GATA2: variants seen among roughly 807,000 people sequenced by gnomAD.
GATA2 encodes endothelial transcription factor GATA-2.
A neutral mutation model predicts 35.7 loss-of-function variants in GATA2; 6 were observed. The ratio of observed to expected loss-of-function variants is 0.17; its 90% CI spans 0.09 to 0.33. The LOEUF (loss-of-function observed/expected upper bound fraction) is 0.33. GATA2 is among the 10% of genes least tolerant of loss of function. The pLI, the probability that GATA2 is intolerant of heterozygous loss-of-function variation, is 1.00. For missense variants in GATA2, 541 were observed against 656.6 expected (o/e 0.82, Z 1.92); for synonymous variants, 313 against 274.9 (o/e 1.14, Z -1.37).
chr3:128,480,112 A>G lies in GATA2; in HGVS notation c.*907T>C, dbSNP rs908672069. ...CGTACAATCAACTGGACCCAAAAAG[A>G]GTTTAAAAATAAAACAATTAACTCA... On this transcript the variant is annotated 3_prime_UTR_variant, in exon 6 of 6. Coordinates refer to ENST00000341105, the MANE Select transcript of GATA2 (RefSeq NM_032638.5). 3 of 233,184 alleles carry G rather than the reference A, an allele frequency of 1.3e-5. No individual in the cohort carries two copies. The highest frequency in any genetic ancestry group is 2.5e-5 in the Non-Finnish European group (3 of 118,050). The allele number at this position is 233,184 out of a possible 1,614,324, so 14.4% of individuals were successfully genotyped here. A position where few individuals can be genotyped will look rare whatever the true frequency, so the allele number is the denominator to read the frequency against.
At position 128,480,623 on chromosome 3, in the gene GATA2, G is replaced by A; in HGVS notation, c.*396C>T. ...CCGCCAATCCCGAGGAAGAACCGGA[G>A]GACTTGGGACAGCTCAGACCACCAA... On this transcript the variant is annotated 3_prime_UTR_variant, in exon 6 of 6. Coordinates refer to ENST00000341105, the MANE Select transcript of GATA2 (RefSeq NM_032638.5). 1 of 277,782 alleles carries A rather than the reference G, an allele frequency of 3.6e-6. No individual in the cohort carries two copies. 17.2% of individuals were successfully genotyped at this position (277,782 alleles called of 1,614,324 possible).
intron 2 of GATA2, among the ~76,000 whole-genome samples, 174 bp from the exon 3 acceptor site, chr3:128,486,542 G>A (rs564484518): frequency 7.8e-4 from 118 of 152,084 alleles, no homozygotes; most frequent in African/African-American, 2.2e-3. Context: ...GTCAGTCCAA[G>A]CTGAAGGACA....
Position 128,487,066 on chromosome 3 carries a change from C to A in GATA2, c.-35G>T, listed in dbSNP as rs780248544. 6 of 1,513,124 alleles carry A rather than the reference C, an allele frequency of 4.0e-6. No individual in the cohort carries two copies. The South Asian group carries it at 4.9e-5, about 12-fold the overall frequency. The allele number at this position is 1,513,124 out of a possible 1,614,324, so 93.7% of individuals were successfully genotyped here. ...CGGCGGCTCAGGGTCTGGGTGCAGA[C>A]GGCAACGGCCCTGCGCGAGGAAGGG... On this transcript the variant is annotated 5_prime_UTR_variant, in exon 2 of 6. Transcript: ENST00000341105.
chr3:128,483,802 A>T (rs2068660068), intron 4 of GATA2, 58 bp downstream of exon 4: 2 of 1,611,816 alleles, frequency 1.2e-6, no homozygotes, highest in African/African-American at 2.7e-5. Flanking sequence ...TTTCCCCTGT[A>T]ATTAACCGCC....
chr3:128,485,781 C>T lies in GATA2; in HGVS notation c.817G>A (p.Gly273Arg), dbSNP rs2068686401. The T allele has an allele frequency of 1.2e-6, 2 of 1,613,864 alleles. No individual in the cohort carries two copies. Among genetic ancestry groups the T allele is most frequent in the African/African-American group, 1.3e-5 (1 of 74,924 alleles). Residue 273 changes from glycine to arginine, a missense_variant, in exon 3 of 6, where the codon GGA (glycine) becomes AGA (arginine). Physicochemically the swap from Gly to Arg is moderately radical, Grantham distance 125 (BLOSUM62 -2). This residue lies in a region of GATA2 where 389 missense variants were observed against 396.9 expected (regional missense o/e 0.98). Transcript: ENST00000341105. ...GLFHPGGFLG[G>R]PASSFTPKQR... Reference sequence around the variant, plus strand: ...TTAGGGGTGAAGCTGGAGGCCGGTCCCCCCAGGAAGCCTCCGGGGTGGAAG... The same window carrying T: ...TTAGGGGTGAAGCTGGAGGCCGGTCTCCCCAGGAAGCCTCCGGGGTGGAAG...
In GATA2 at chr3:128,480,934, G is replaced by T; in HGVS notation, c.*85C>A. The T allele has an allele frequency of 7.1e-7, 1 of 1,404,668 alleles. No homozygotes were observed. The highest frequency in any genetic ancestry group is 1.5e-5 in the South Asian group (1 of 67,194). 87.0% of individuals were successfully genotyped at this position (1,404,668 alleles called of 1,614,324 possible). On this transcript the variant is annotated 3_prime_UTR_variant, in exon 6 of 6. Coordinates refer to ENST00000341105, the MANE Select transcript of GATA2 (RefSeq NM_032638.5). ...GGGCCGAGCCGGGCTGGCAGGAGTGGTGTCGGCCTTCGGGAAATGCTGGGC... is the reference window on the plus strand; with the variant it reads ...GGGCCGAGCCGGGCTGGCAGGAGTGTTGTCGGCCTTCGGGAAATGCTGGGC...
At position 128,486,814 on chromosome 3, in the gene GATA2, C is replaced by T. The variant is rs1471015297; in HGVS notation, c.218G>A (p.Ser73Asn). The T allele has an allele frequency of 1.2e-6, 2 of 1,606,074 alleles. No individual in the cohort carries two copies. Among genetic ancestry groups the T allele is most frequent in the Middle Eastern group, 1.7e-4 (1 of 6,042 alleles). ...GGCCCAGTGCTCACCGTGCGCGGGG[C>T]TGTAGGAGACGCGCGCCCGCGCGTG... Reference protein sequence around the residue: ...PAHARARVSYSPAHARLTGGQ... With the variant: ...PAHARARVSYNPAHARLTGGQ... Residue 73 changes from serine (S) to asparagine (N), a missense_variant, in exon 2 of 6, where the codon AGC becomes AAC. Ser to Asn is a conservative substitution (Grantham distance 46). This residue lies in a region of GATA2 where 389 missense variants were observed against 396.9 expected (regional missense o/e 0.98). Transcript: ENST00000341105.
Position 128,480,622 on chromosome 3 carries a change from A to G in GATA2, c.*397T>C. 3.6e-6 allele frequency: 1 copy of G among 277,182 alleles called. No individual in the cohort carries two copies. Among genetic ancestry groups the G allele is most frequent in the Non-Finnish European group, 6.8e-6 (1 of 147,328 alleles). 17.2% of individuals were successfully genotyped at this position (277,182 alleles called of 1,614,324 possible). A position where few individuals can be genotyped will look rare whatever the true frequency, so the allele number is the denominator to read the frequency against. On this transcript the variant is annotated 3_prime_UTR_variant, in exon 6 of 6. Transcript: ENST00000341105. ...CCCGCCAATCCCGAGGAAGAACCGGAGGACTTGGGACAGCTCAGACCACCA... is the reference window on the plus strand; with the variant it reads ...CCCGCCAATCCCGAGGAAGAACCGGGGGACTTGGGACAGCTCAGACCACCA...
At position 128,483,194 on chromosome 3, in the gene GATA2, G is replaced by T. The variant is rs549313559; in HGVS notation, c.1017+666C>A. On this transcript the variant is annotated intron_variant, in intron 4 of 5. Coordinates refer to ENST00000341105, the MANE Select transcript of GATA2 (RefSeq NM_032638.5). ...ATATTTATTATTCTTAGCATTTTAC[G>T]CATTATTTGCAGAGTGGAGGGTATT... 4.6e-5 allele frequency among the ~76,000 whole-genome samples: 7 copies of T among 152,294 alleles called. No homozygotes were observed. The highest frequency in any genetic ancestry group is 1.3e-4 in the Admixed American group (2 of 15,302).
intron 1 of GATA2, chr3:128,487,676 C>T (rs1214771672): frequency 6.5e-6 from 1 of 152,770 alleles, no homozygotes; most frequent in Non-Finnish European, 1.5e-5. Flanking sequence ...AGGAGCGCCC[C>T]AGGCCCCCAG....
chr3:128,488,691 AT>A lies in GATA2; in HGVS notation c.-45-1616del, dbSNP rs111283577. On this transcript the variant is annotated intron_variant, in intron 1 of 5. Transcript: ENST00000341105. The surrounding 1 kb of genome is among the most constrained non-coding windows in gnomAD (Gnocchi z 5.8). The stretch of plus-strand genomic sequence containing the variant: ...GAGACGCCCCCGGGCAAGAGGTGGC[AT>A]TTTTTTTCCTCCGGGGGGGGTCCCC... Among the ~76,000 whole-genome samples the A allele has an allele frequency of 2.3e-4, 34 of 151,046 alleles. No individual in the cohort carries two copies. Among genetic ancestry groups the A allele is most frequent in the East Asian group, 2.0e-4 (1 of 5,064 alleles).
At position 128,486,825 on chromosome 3, in the gene GATA2, G is replaced by T; in HGVS notation, c.207C>A (p.Arg69=). The T allele has an allele frequency of 1.2e-6, 2 of 1,609,018 alleles. No homozygotes were observed. The highest frequency in any genetic ancestry group is 1.7e-6 in the Non-Finnish European group (2 of 1,178,454). ...CACCGTGCGCGGGGCTGTAGGAGACGCGCGCCCGCGCGTGAGCGGGGTTGG... is the reference window on the plus strand; with the variant it reads ...CACCGTGCGCGGGGCTGTAGGAGACTCGCGCCCGCGCGTGAGCGGGGTTGG... ...YYANPAHARA[R]VSYSPAHARL... The change falls in exon 2 of 6, where the codon CGC becomes CGA. Residue 69 remains arginine (R), a synonymous_variant. Transcript: ENST00000341105.
chr3:128,480,158 AT>A lies in GATA2; in HGVS notation c.*860del, dbSNP rs545136633. On this transcript the variant is annotated 3_prime_UTR_variant, in exon 6 of 6. Transcript: ENST00000341105. ...ACTCATCAGCGAGTTAAGCCTATGC[AT>A]TTTTTTAATATTTTTTCTTTTGTCT... 4 of 233,120 alleles carry A rather than the reference AT, an allele frequency of 1.7e-5. No homozygotes were observed. Among genetic ancestry groups the A allele is most frequent in the Non-Finnish European group, 2.5e-5 (3 of 118,046 alleles). 14.4% of individuals were successfully genotyped at this position (233,120 alleles called of 1,614,324 possible).
At position 128,481,873 on chromosome 3, in the gene GATA2, G is replaced by T; in HGVS notation, c.1089C>A (p.Asn363Lys). 6.2e-7 allele frequency: 1 copy of T among 1,614,092 alleles called. No homozygotes were observed. The highest frequency in any genetic ancestry group is 8.5e-7 in the Non-Finnish European group (1 of 1,180,030). Reference protein sequence around the residue: ...QTTTTTLWRRNANGDPVCNAC... With the variant: ...QTTTTTLWRRKANGDPVCNAC... Reference sequence around the variant, plus strand: ...CGTTGCAGACAGGGTCCCCGTTGGCGTTTCGGCGCCATAAGGTGGTGGTTG... The same window carrying T: ...CGTTGCAGACAGGGTCCCCGTTGGCTTTTCGGCGCCATAAGGTGGTGGTTG... The change falls in exon 5 of 6, where the codon AAC becomes AAA. Residue 363 changes from asparagine to lysine, a missense_variant. Asn to Lys is a moderately conservative substitution (Grantham distance 94). This residue lies in a region of GATA2 where 23 missense variants were observed against 67.2 expected (regional missense o/e 0.34). Coordinates refer to ENST00000341105, the MANE Select transcript of GATA2 (RefSeq NM_032638.5).
At chr3:128,487,187 G>C in intron 1 of GATA2, 111 bp from the exon 2 acceptor site, 1 of 632,708 alleles carries the variant, frequency 1.6e-6, no homozygotes, top group Non-Finnish European at 2.7e-6. Flanking sequence ...CGGCGAGAAA[G>C]AGCACCAGTC....
chr3:128,486,601 C>T (rs1216767224), intron 2 of GATA2, among the ~76,000 whole-genome samples: 1 of 152,166 alleles, frequency 6.6e-6, no homozygotes, highest in Admixed American at 6.5e-5. Flanking sequence ...GGAACCCTCA[C>T]AGGCCAGCTG....
Position 128,483,968 on chromosome 3 carries a change from G to A in GATA2, c.909C>T (p.Thr303=), listed in dbSNP as rs755602075. The part of the protein sequence containing the change: ...RECVNCGATA[T]PLWRRDGTGH... Reference sequence around the variant, plus strand: ...CGGTGCCGTCCCGCCGCCAGAGAGGGGTGGCTGTGGCCCCACAGTTGACAC... The same window carrying A: ...CGGTGCCGTCCCGCCGCCAGAGAGGAGTGGCTGTGGCCCCACAGTTGACAC... The change falls in exon 4 of 6, where the codon ACC becomes ACT. Residue 303 remains threonine, a synonymous_variant. Coordinates refer to ENST00000341105, the MANE Select transcript of GATA2 (RefSeq NM_032638.5). 4 of 1,613,892 alleles carry A rather than the reference G, an allele frequency of 2.5e-6. No individual in the cohort carries two copies. The highest frequency in any genetic ancestry group is 3.4e-6 in the Non-Finnish European group (4 of 1,180,050).
chr3:128,483,662 T>G (rs994938747), intron 4 of GATA2, among the ~76,000 whole-genome samples, 198 bp downstream of exon 4: 1 of 152,150 alleles, frequency 6.6e-6, no homozygotes. Flanking sequence ...GTGGGCTCCC[T>G]ATACCCGAGG....
chr3:128,480,026 T>C lies in GATA2; in HGVS notation c.*993A>G, dbSNP rs1000269534. The C allele has an allele frequency of 1.3e-5, 3 of 232,952 alleles. No homozygotes were observed. The highest frequency in any genetic ancestry group is 2.5e-5 in the Non-Finnish European group (3 of 117,912). 14.4% of individuals were successfully genotyped at this position (232,952 alleles called of 1,614,324 possible). On this transcript the variant is annotated 3_prime_UTR_variant, in exon 6 of 6. Transcript: ENST00000341105. The stretch of plus-strand genomic sequence containing the variant: ...GATCCCAGCTCTTTTCCAAAAAGAA[T>C]TGCAAAGCTCCAACCTTGTGTGTAG...
Sources: allele counts gnomAD v4.1 joint callset (sites outside exome capture counted in the v4.1 genomes callset), GRCh38; gene constraint gnomAD v4.1.1; regional missense constraint gnomAD v4.1.1; non-coding constraint Gnocchi (gnomAD v3.1); transcripts MANE v1.5; gene names NCBI Gene and HGNC (gene_info 2026-07-23, HGNC 2026-07-21).